TMEM132B: variants seen among roughly 807,000 people sequenced by gnomAD.
TMEM132B encodes transmembrane protein 132B.
TMEM132B carries 18 observed loss-of-function variants against 90.8 expected under a neutral mutation model. That is an observed-to-expected ratio of 0.20 (90% CI 0.14 to 0.29). TMEM132B has a LOEUF of 0.29. TMEM132B is among the 10% of genes least tolerant of loss of function. TMEM132B has a pLI of 1.00. For missense variants in TMEM132B, 1,096 were observed against 1,326.8 expected, an observed-to-expected ratio of 0.83 and a Z score of 2.70; for synonymous variants, 504 against 523.3, an observed-to-expected ratio of 0.96 and a Z score of 0.50.
chr12:125,563,151 TAATAATAATA>T (rs1237707963), intron 4 of TMEM132B, among the ~76,000 whole-genome samples: 1 of 33,842 alleles, frequency 3.0e-5, no homozygotes, highest in African/African-American at 5.5e-5. Flanking sequence ...TAATGCGTAA[TAATAATAATA>T]ATAATAATAA....
intron 4 of TMEM132B, among the ~76,000 whole-genome samples, chr12:125,580,470 G>C (rs1404275856): frequency 6.6e-6 from 1 of 152,180 alleles, no homozygotes; most frequent in African/African-American, 2.4e-5. Context: ...ATTTGGGAAT[G>C]AGGTTTTGAA....
In TMEM132B at chr12:125,275,114, G is replaced by A. The variant is rs777958359; in HGVS notation, c.68-74338G>A. Among the ~76,000 whole-genome samples, 6 of 152,036 alleles carry A rather than the reference G, an allele frequency of 3.9e-5. No individual in the cohort carries two copies. In the East Asian group the frequency reaches 7.7e-4, roughly 20 times the overall value. ...TTTACCCAACTTCCTCATTCAAAGC[G>A]CCGTCCCAAACCCAGCTAACCCGGA... On this transcript the variant is annotated intron_variant, in intron 1 of 8. Coordinates refer to ENST00000682704, the MANE Select transcript of TMEM132B (RefSeq NM_001366854.1).
At chr12:125,646,509 G>C (rs1030122890) in intron 6 of TMEM132B, among the ~76,000 whole-genome samples, 1 of 152,192 alleles carries the variant, frequency 6.6e-6, no homozygotes, top group African/African-American at 2.4e-5. Context: ...CTGCCTGCCT[G>C]ACATCTTCCA....
At chr12:125,494,586 T>G (rs1356352752) in intron 3 of TMEM132B, among the ~76,000 whole-genome samples, 2 of 65,686 alleles carry the variant, frequency 3.0e-5, no homozygotes, top group Non-Finnish European at 5.9e-5. Context: ...GCGTCCCTCC[T>G]CCCCCTCCTC....
chr12:125,442,478 G>A (rs1880903143), intron 3 of TMEM132B, among the ~76,000 whole-genome samples: 1 of 152,184 alleles, frequency 6.6e-6, no homozygotes, highest in Admixed American at 6.5e-5. Flanking sequence ...GCCTCAGGCA[G>A]GTGACTCAGA....
At chr12:125,299,514 T>C (rs1875762079) in intron 1 of TMEM132B, among the ~76,000 whole-genome samples, 1 of 152,186 alleles carries the variant, frequency 6.6e-6, no homozygotes, top group African/African-American at 2.4e-5. Flanking sequence ...TGATGGCGCC[T>C]GCTTCACCCT....
chr12:125,279,369 A>ATAAG (rs1325325631), intron 1 of TMEM132B, among the ~76,000 whole-genome samples: 1 of 152,208 alleles, frequency 6.6e-6, no homozygotes, highest in African/African-American at 2.4e-5. Flanking sequence ...TATTCCCTGA[A>ATAAG]TAAGTGTGTG....
intron 1 of TMEM132B, among the ~76,000 whole-genome samples, chr12:125,234,829 C>T (rs1222083993): frequency 6.6e-6 from 1 of 152,150 alleles, no homozygotes; most frequent in African/African-American, 2.4e-5. Context: ...TCCCCTATCT[C>T]TTTGTTTAAT....
chr12:125,487,277 G>C (rs1882227153), intron 3 of TMEM132B, among the ~76,000 whole-genome samples: 1 of 152,110 alleles, frequency 6.6e-6, no homozygotes, highest in Non-Finnish European at 1.5e-5. Context: ...CAGTCCAATG[G>C]GTATAACACA....
chr12:125,602,841 A>G (rs1885603531), intron 5 of TMEM132B, among the ~76,000 whole-genome samples: 1 of 152,204 alleles, frequency 6.6e-6, no homozygotes, highest in African/African-American at 2.4e-5. Context: ...GAGCCAAATC[A>G]TGAATGAACT....
At chr12:125,295,515 T>TGTGTGAGAGAGAGA (rs531489519) in intron 1 of TMEM132B, among the ~76,000 whole-genome samples, 8 of 142,434 alleles carry the variant, frequency 5.6e-5, no homozygotes, top group African/African-American at 2.2e-4. Context: ...TGTGTGTGTG[T>TGTGTGAGAGAGAGA]GAGAGAGAGA....
chr12:125,193,059 C>T (rs1401847960), intron 1 of TMEM132B, among the ~76,000 whole-genome samples: 6 of 152,040 alleles, frequency 3.9e-5, no homozygotes, highest in African/African-American at 9.7e-5. Context: ...GCACAGGGCA[C>T]GAGTCCCAGG....
chr12:125,641,883 C>T (rs1886639544), intron 5 of TMEM132B, among the ~76,000 whole-genome samples: 1 of 152,174 alleles, frequency 6.6e-6, no homozygotes, highest in Non-Finnish European at 1.5e-5. Flanking sequence ...CACTACAGAA[C>T]ATTGGACTGA....
intron 5 of TMEM132B, among the ~76,000 whole-genome samples, chr12:125,640,977 T>G (rs1007664902): frequency 6.6e-6 from 1 of 152,008 alleles, no homozygotes; most frequent in Non-Finnish European, 1.5e-5. Flanking sequence ...TCTGTAATCT[T>G]CTATTACAAA....
chr12:125,242,102 C>A (rs542389238), intron 1 of TMEM132B, among the ~76,000 whole-genome samples: 2 of 152,284 alleles, frequency 1.3e-5, no homozygotes, highest in Non-Finnish European at 2.9e-5. Context: ...TAGGAGAGCT[C>A]CCTTTTTAAT....
chr12:125,303,208 C>G (rs1875875815), intron 1 of TMEM132B, among the ~76,000 whole-genome samples: 1 of 152,154 alleles, frequency 6.6e-6, no homozygotes, highest in African/African-American at 2.4e-5. Context: ...ATAACTTTGC[C>G]TATTCTAGAT....
chr12:125,633,448 G>A (rs1886411827), intron 5 of TMEM132B, among the ~76,000 whole-genome samples: 2 of 152,288 alleles, frequency 1.3e-5, no homozygotes, highest in East Asian at 1.9e-4. Flanking sequence ...TTTATTTGGT[G>A]AGGACATGTT....
intron 2 of TMEM132B, among the ~76,000 whole-genome samples, chr12:125,363,998 A>G (rs1464488129): frequency 1.3e-5 from 2 of 152,238 alleles, no homozygotes; most frequent in African/African-American, 4.8e-5. Flanking sequence ...GGCTAAGTGG[A>G]AGAACAAAGC....
chr12:125,502,563 A>G (rs1365194645), intron 3 of TMEM132B, among the ~76,000 whole-genome samples: 1 of 152,242 alleles, frequency 6.6e-6, no homozygotes, highest in African/African-American at 2.4e-5. Context: ...CCCAATCCCA[A>G]GTGGAGCAGA....
Sources: gnomAD v4.1 joint callset for allele counts (sites outside exome capture counted in the v4.1 genomes callset) on GRCh38, gnomAD v4.1.1 for gene constraint, MANE v1.5 for transcripts, NCBI Gene and HGNC (gene_info 2026-07-23, HGNC 2026-07-21) for gene names.